Variants in SEL1L observed in about 807,000 individuals in gnomAD.
SEL1L encodes SEL1L adaptor subunit of SYVN1 ubiquitin ligase.
SEL1L carries 52 observed loss-of-function variants against 109.8 expected under a neutral mutation model. The ratio of observed to expected loss-of-function variants is 0.47; its 90% CI spans 0.38 to 0.60. The LOEUF (loss-of-function observed/expected upper bound fraction) is 0.60, where lower values mean the gene tolerates loss of function less well. Ranked by LOEUF, SEL1L falls within the 20% of genes least tolerant of loss-of-function variation. The probability of loss-of-function intolerance (pLI) is 0.00; values close to 1 mark genes in which losing one functional copy is unlikely to be tolerated. For missense variants in SEL1L, 749 were observed against 962.2 expected, an observed-to-expected ratio of 0.78 and a Z score of 2.93; for synonymous variants, 373 against 339.6, an observed-to-expected ratio of 1.10 and a Z score of -1.08.
At chr14:81,529,567 G>C (rs1303698272) in intron 1 of SEL1L, among the ~76,000 whole-genome samples, 2 of 152,164 alleles carry the variant, frequency 1.3e-5, no homozygotes, top group Non-Finnish European at 2.9e-5. Context: ...AAGCTGTTAG[G>C]CATTAGAGTA....
chr14:81,477,170 CAT>C lies in SEL1L; in HGVS notation c.2185_2186del (p.Met729ValfsTer5), dbSNP rs1903188295. 6.2e-7 allele frequency: 1 copy of C among 1,613,440 alleles called. No individual in the cohort carries two copies. Among genetic ancestry groups the C allele is most frequent in the Admixed American group, 1.7e-5 (1 of 59,976 alleles). Reference sequence around the variant, plus strand: ...GCTGGTCCATATCAAGTTGGGTGAACATATCTCGAATCTTAATGAAAATAATA... The same window carrying C: ...GCTGGTCCATATCAAGTTGGGTGAACATCTCGAATCTTAATGAAAATAATA... ...QYIRETNIRDMFTQLDMDQLL... is the reference protein window; with the variant it reads ...QYIRETNIRDXFTQLDMDQLL... On this transcript the variant is annotated frameshift_variant, in exon 21 of 21. Transcript: ENST00000336735. LOFTEE classifies it high-confidence loss of function.
chr14:81,525,635 A>G (rs1234645471), intron 3 of SEL1L, among the ~76,000 whole-genome samples: 4 of 152,314 alleles, frequency 2.6e-5, no homozygotes, highest in Non-Finnish European at 5.9e-5. Flanking sequence ...ATTTACTTTA[A>G]GAATTCTAAG....
intron 17 of SEL1L, 88 bp downstream of exon 17, chr14:81,486,201 A>T: frequency 8.2e-7 from 1 of 1,223,908 alleles, no homozygotes; most frequent in Non-Finnish European, 1.2e-6. Context: ...AATGTTTCCT[A>T]GTAGCTTTTC....
At chr14:81,522,817 C>T (rs776409288) in intron 3 of SEL1L, among the ~76,000 whole-genome samples, 2 of 152,190 alleles carry the variant, frequency 1.3e-5, no homozygotes, top group Admixed American at 1.3e-4. Context: ...CCCTAGACTA[C>T]TTCTAATACC....
intron 3 of SEL1L, among the ~76,000 whole-genome samples, chr14:81,521,076 G>A (rs182689217): frequency 5.7e-4 from 87 of 152,236 alleles, no homozygotes; most frequent in Non-Finnish European, 1.0e-3. Flanking sequence ...ACTAGGTTAG[G>A]ATCTCTGATT....
chr14:81,530,423 TCA>T (rs1885277529), intron 1 of SEL1L, among the ~76,000 whole-genome samples: 1 of 152,192 alleles, frequency 6.6e-6, no homozygotes. Flanking sequence ...TCCCGCTGAC[TCA>T]CAATATTTTA....
At chr14:81,531,018 A>G (rs1485911712) in intron 1 of SEL1L, among the ~76,000 whole-genome samples, 2 of 152,264 alleles carry the variant, frequency 1.3e-5, no homozygotes, top group Non-Finnish European at 2.9e-5. Flanking sequence ...GGCACTTACC[A>G]TAAATGGAAC....
At chr14:81,519,930 G>A (rs1289837515) in intron 3 of SEL1L, among the ~76,000 whole-genome samples, 1 of 152,124 alleles carries the variant, frequency 6.6e-6, no homozygotes, top group Non-Finnish European at 1.5e-5. Flanking sequence ...TTAGGGAAGG[G>A]GTACACTGAA....
In SEL1L at chr14:81,487,501, C is replaced by T; in HGVS notation, c.1521G>A (p.Leu507=). 6.2e-7 allele frequency: 1 copy of T among 1,606,464 alleles called. No homozygotes were observed. The highest frequency in any genetic ancestry group is 8.5e-7 in the Non-Finnish European group (1 of 1,178,538). ...CCTGAGAAGCTAAATTAAAATACTTCAAGGCCTGTTTATAATCTCTCTTGA... is the reference window on the plus strand; with the variant it reads ...CCTGAGAAGCTAAATTAAAATACTTTAAGGCCTGTTTATAATCTCTCTTGA... The part of the protein sequence containing the change: ...IGVKRDYKQA[L]KYFNLASQGG... Residue 507 remains leucine (L), a synonymous_variant, in exon 16 of 21, where the codon TTG becomes TTA. Transcript: ENST00000336735.
intron 5 of SEL1L, 113 bp downstream of exon 5, chr14:81,504,081 TAATGGAA>T: frequency 1.9e-6 from 1 of 524,324 alleles, no homozygotes. Flanking sequence ...CATTTTTTTG[TAATGGAA>T]CTTAAAAAAA....
chr14:81,496,741 T>TA (rs1399680980), intron 10 of SEL1L, among the ~76,000 whole-genome samples: 2 of 151,692 alleles, frequency 1.3e-5, no homozygotes, highest in Admixed American at 6.6e-5. Flanking sequence ...AAATAAAAAA[T>TA]AAAAAAATAA....
At position 81,504,453 on chromosome 14, in the gene SEL1L, G is replaced by A. The variant is rs1342085243; in HGVS notation, c.509-147C>T. On this transcript the variant is annotated intron_variant, in intron 4 of 20. Transcript: ENST00000336735. The stretch of plus-strand genomic sequence containing the variant: ...ATGATTCTAAAAACACTTAAGTGTG[G>A]CCTTTACATGACACAAGATAAAACT... The A allele has an allele frequency of 8.7e-6, 4 of 457,330 alleles. No homozygotes were observed. The East Asian group carries it at 1.1e-4, about 12-fold the overall frequency. 28.3% of individuals were successfully genotyped at this position (457,330 alleles called of 1,614,324 possible). A position where few individuals can be genotyped will look rare whatever the true frequency, so the allele number is the denominator to read the frequency against.
At chr14:81,500,008 T>C (rs1322512201) in intron 6 of SEL1L, among the ~76,000 whole-genome samples, 1 of 149,926 alleles carries the variant, frequency 6.7e-6, no homozygotes, top group Non-Finnish European at 1.5e-5. Flanking sequence ...TGGGTTCAAG[T>C]GGTTCTCCCA....
At chr14:81,510,508 C>CTATATATATATATA (rs1341079977) in intron 3 of SEL1L, among the ~76,000 whole-genome samples, 1 of 116,410 alleles carries the variant, frequency 8.6e-6, no homozygotes, top group Non-Finnish European at 1.8e-5. Flanking sequence ...CTCTCTCTCT[C>CTATATATATATATA]TCTCTCTATA....
At chr14:81,516,293 C>T (rs1884699316) in intron 3 of SEL1L, among the ~76,000 whole-genome samples, 1 of 152,174 alleles carries the variant, frequency 6.6e-6, no homozygotes, top group South Asian at 2.1e-4. Context: ...GTGTTAACCT[C>T]CTGTCCCAGA....
chr14:81,476,971 A>G lies in SEL1L; in HGVS notation c.*1T>C. 1 of 1,614,080 alleles carries G rather than the reference A, an allele frequency of 6.2e-7. No homozygotes were observed. The highest frequency in any genetic ancestry group is 8.5e-7 in the Non-Finnish European group (1 of 1,180,008). ...CTGATCAAGGCTGGACCCAGTGCCT[A>G]TTACTGTGGTGGCTGCTGCTCTGGT... On this transcript the variant is annotated 3_prime_UTR_variant, in exon 21 of 21. Coordinates refer to ENST00000336735, the MANE Select transcript of SEL1L (RefSeq NM_005065.6).
At chr14:81,495,574 GC>G (rs1219465528) in intron 10 of SEL1L, among the ~76,000 whole-genome samples, 1 of 152,128 alleles carries the variant, frequency 6.6e-6, no homozygotes, top group East Asian at 1.9e-4. Context: ...AGAGGTCGAG[GC>G]TGCAGTGAGC....
chr14:81,481,383 T>A (rs533493478), intron 19 of SEL1L, among the ~76,000 whole-genome samples: 1 of 152,186 alleles, frequency 6.6e-6, no homozygotes, highest in Admixed American at 6.5e-5. Context: ...TTCTTGTCCT[T>A]AGGGTGTGTC....
In SEL1L at chr14:81,487,898, T is replaced by G; in HGVS notation, c.1440A>C (p.Gln480His). Reference protein sequence around the residue: ...ALKYFQKAAEQGWVDGQLQLG... With the variant: ...ALKYFQKAAEHGWVDGQLQLG... ...GCTGTAGCTGCCCATCCACCCAGCC[T>G]TGTTCAGCAGCTTTCTGGAAATACT... is the stretch of plus-strand genomic sequence containing the variant. Residue 480 changes from glutamine (Q) to histidine (H), a missense_variant, in exon 15 of 21, where the codon CAA becomes CAC. Gln to His is a conservative substitution (Grantham distance 24). Around this residue, in one of 2 missense-constraint regions of SEL1L, gnomAD observed 383 missense variants for 562.5 expected, o/e 0.68. Coordinates refer to ENST00000336735, the MANE Select transcript of SEL1L (RefSeq NM_005065.6). 1 of 1,614,026 alleles carries G rather than the reference T, an allele frequency of 6.2e-7. No individual in the cohort carries two copies. Among genetic ancestry groups the G allele is most frequent in the Non-Finnish European group, 8.5e-7 (1 of 1,179,956 alleles).
Sources: gnomAD v4.1 joint callset for allele counts (sites outside exome capture counted in the v4.1 genomes callset) on GRCh38, gnomAD v4.1.1 for gene constraint, gnomAD v4.1.1 regional missense constraint, MANE v1.5 for transcripts, NCBI Gene and HGNC (gene_info 2026-07-23, HGNC 2026-07-21) for gene names.